The following ANAPC13 variants were observed in gnomAD, a reference collection of about 807,000 sequenced individuals.
ANAPC13 encodes anaphase-promoting complex subunit 13.
In ANAPC13, 9 loss-of-function variants were observed where a neutral mutation model predicts 9.6. The ratio of observed to expected loss-of-function variants is 0.94; its 90% CI spans 0.57 to 1.64. The LOEUF (loss-of-function observed/expected upper bound fraction) is 1.64. Ranked by LOEUF, ANAPC13 falls within the 40% of genes most tolerant of loss-of-function variation. ANAPC13 has a pLI of 0.00. For missense variants in ANAPC13, 75 were observed against 85.3 expected (o/e 0.88, Z 0.48); for synonymous variants, 30 against 29.7 (o/e 1.01, Z -0.03).
rs1214451530 is a variant in ANAPC13 at position 134,479,151 on chromosome 3, C to G, written c.100-436G>C. Among the ~76,000 whole-genome samples, 3 of 152,182 alleles carry G rather than the reference C, an allele frequency of 2.0e-5. No homozygotes were observed. In the East Asian group the frequency reaches 5.8e-4, roughly 29 times the overall value. ...AAGGATTAGGTGAGGTAATTCAGAT[C>G]AAGTGCTGAGCACTCTGTGGGGTAT... On this transcript the variant is annotated intron_variant, in intron 2 of 2. Transcript: ENST00000354910.
intron 1 of ANAPC13, 35 bp downstream of exon 1, chr3:134,485,917 C>G (rs2107717204): frequency 1.1e-6 from 1 of 940,040 alleles, no homozygotes; most frequent in Non-Finnish European, 1.3e-6. Flanking sequence ...TCCCGCGCCT[C>G]CAAAACCTAG....
intron 1 of ANAPC13, among the ~76,000 whole-genome samples, chr3:134,483,755 T>C (rs540869408): frequency 1.3e-5 from 2 of 152,214 alleles, no homozygotes; most frequent in Non-Finnish European, 2.9e-5. Context: ...CAAGTGACAA[T>C]CCAAAAAGCC....
At chr3:134,483,341 G>C (rs1445536500) in intron 1 of ANAPC13, 1 of 165,044 alleles carries the variant, frequency 6.1e-6, no homozygotes, top group Admixed American at 5.9e-5. Context: ...TCAAACCTCA[G>C]CATTCTTAGG....
intron 1 of ANAPC13, chr3:134,485,436 C>T (rs1258911008): frequency 1.3e-5 from 2 of 152,222 alleles, no homozygotes; most frequent in Non-Finnish European, 2.9e-5. Flanking sequence ...CGCCTCCAAA[C>T]CCCAGGCTGA....
At chr3:134,483,106 C>T (rs749625133) in intron 1 of ANAPC13, 175 bp from the exon 2 acceptor site, 2 of 600,010 alleles carry the variant, frequency 3.3e-6, no homozygotes, top group Non-Finnish European at 5.9e-6. Context: ...CCAACTGATA[C>T]ATATTTTATA....
intron 2 of ANAPC13, among the ~76,000 whole-genome samples, chr3:134,481,166 C>T (rs915477576): frequency 1.3e-5 from 2 of 152,230 alleles, no homozygotes; most frequent in Non-Finnish European, 2.9e-5. Flanking sequence ...GTCACACCAT[C>T]TCTAACAATG....
chr3:134,482,832 G>A lies in ANAPC13; in HGVS notation c.73C>T (p.Pro25Ser). ...AGTGGTATTGCGACATCCTCATAAG[G>A]CAGCTTGTCTTCTCGCCAAGCATCA... ...IDDAWREDKLPYEDVAIPLNE... is the reference protein window; with the variant it reads ...IDDAWREDKLSYEDVAIPLNE... The change falls in exon 2 of 3, where the codon CCT becomes TCT. Residue 25 changes from proline (P) to serine (S), a missense_variant. By Grantham distance (74) the Pro-to-Ser change is moderately conservative (BLOSUM62 -1). Transcript: ENST00000354910. The A allele has an allele frequency of 6.2e-7, 1 of 1,614,042 alleles. No individual in the cohort carries two copies. The highest frequency in any genetic ancestry group is 1.1e-5 in the South Asian group (1 of 91,074).
At chr3:134,479,499 G>A (rs562334293) in intron 2 of ANAPC13, among the ~76,000 whole-genome samples, 2 of 152,056 alleles carry the variant, frequency 1.3e-5, no homozygotes, top group Non-Finnish European at 1.5e-5. Flanking sequence ...CACCATGCCC[G>A]GCTAATTTTG....
rs753207225 is a variant in ANAPC13, at chr3:134,482,927, C to G, written c.-23G>C. The G allele has an allele frequency of 6.3e-7, 1 of 1,582,900 alleles. No individual in the cohort carries two copies. Among genetic ancestry groups the G allele is most frequent in the Non-Finnish European group, 8.7e-7 (1 of 1,151,624 alleles). ...CATTTTCCTGCAGCTTTGATCTTGT[C>G]AAATCTGTAAGCCAAAGAGGTTATT... On this transcript the variant is annotated 5_prime_UTR_variant, in exon 2 of 3. Coordinates refer to ENST00000354910, the MANE Select transcript of ANAPC13 (RefSeq NM_015391.4).
intron 2 of ANAPC13, 168 bp downstream of exon 2, chr3:134,482,638 T>G (rs142109092): frequency 0.011 from 6,799 of 647,394 alleles, 78 homozygotes; most frequent in Middle Eastern, 0.044. Context: ...CACATTTTTC[T>G]TCAAATAAAA....
At chr3:134,482,736 A>G (rs1934764039) in intron 2 of ANAPC13, 70 bp downstream of exon 2, 1 of 1,212,070 alleles carries the variant, frequency 8.3e-7, no homozygotes, top group South Asian at 1.2e-5. Context: ...TCTTCCATTG[A>G]TATCCCTCCT....
intron 1 of ANAPC13, 138 bp from the exon 2 acceptor site, chr3:134,483,069 C>T: frequency 7.9e-6 from 5 of 633,178 alleles, no homozygotes; most frequent in Non-Finnish European, 1.4e-5. Context: ...CGGGTGACTA[C>T]TTTGATCACA....
At chr3:134,486,001 C>T (rs891678203), upstream of ANAPC13, 2 of 982,334 alleles carry the variant, frequency 2.0e-6, no homozygotes, top group Non-Finnish European at 2.4e-6. Flanking sequence ...GCCCCCCCCC[C>T]CTCCCCCGCA....
chr3:134,478,713 A>T lies in ANAPC13; in HGVS notation c.102T>A (p.Asn34Lys), dbSNP rs764219659. The change falls in exon 3 of 3, where the codon AAT becomes AAA. Residue 34 changes from asparagine (N) to lysine (K), a missense_variant and splice_region_variant. Physicochemically the swap from Asn to Lys is moderately conservative, Grantham distance 94 (BLOSUM62 0). Transcript: ENST00000354910. ...LPYEDVAIPL[N>K]ELPEPEQDNG... ...TGTCTTGTTCAGGTTCAGGAAGCTC[A>T]TTCTGAAAAGGTACAATAGAAATTC... The T allele has an allele frequency of 2.5e-6, 4 of 1,613,258 alleles. No individual in the cohort carries two copies. Among genetic ancestry groups the T allele is most frequent in the Admixed American group, 1.7e-5 (1 of 59,832 alleles).
At chr3:134,482,153 C>G (rs544638649) in intron 2 of ANAPC13, among the ~76,000 whole-genome samples, 1 of 152,172 alleles carries the variant, frequency 6.6e-6, no homozygotes, top group Non-Finnish European at 1.5e-5. Context: ...AGCTGGCATG[C>G]TTTAAAGAAA....
chr3:134,477,810 T>C lies in ANAPC13; in HGVS notation c.*780A>G, dbSNP rs915849561. On this transcript the variant is annotated 3_prime_UTR_variant, in exon 3 of 3. Coordinates refer to ENST00000354910, the MANE Select transcript of ANAPC13 (RefSeq NM_015391.4). ...GAGTTTACAATCTGGGGAGAGAACA[T>C]GAAAGACACTGTTTAACAGGCAAAT... 2.6e-5 allele frequency: 4 copies of C among 152,194 alleles called. No individual in the cohort carries two copies. The highest frequency in any genetic ancestry group is 5.9e-5 in the Non-Finnish European group (4 of 68,016). The allele number at this position is 152,194 out of a possible 1,614,324, so 9.4% of individuals were successfully genotyped here.
In ANAPC13 at chr3:134,478,603, G is replaced by A; in HGVS notation, c.212C>T (p.Pro71Leu). The A allele has an allele frequency of 6.2e-7, 1 of 1,613,688 alleles. No homozygotes were observed. Among genetic ancestry groups the A allele is most frequent in the Non-Finnish European group, 8.5e-7 (1 of 1,179,918 alleles). The change falls in exon 3 of 3, where the codon CCC becomes CTC. Residue 71 changes from proline (P) to leucine (L), a missense_variant. Pro to Leu is a moderately conservative substitution (Grantham distance 98, BLOSUM62 -3). Coordinates refer to ENST00000354910, the MANE Select transcript of ANAPC13 (RefSeq NM_015391.4). ...ALQYLHENVP[P>L]IGN ...AGGAGCCAAGCGTCAGTTTCCAATG[G>A]GGGGAACATTCTCATGGAGGTACTG... is the stretch of plus-strand genomic sequence containing the variant.
intron 2 of ANAPC13, 115 bp from the exon 3 acceptor site, chr3:134,478,830 T>C (rs1025058408): frequency 5.1e-6 from 6 of 1,187,796 alleles, no homozygotes; most frequent in African/African-American, 1.6e-5. Flanking sequence ...ATAATTGATA[T>C]GTGTATTCTA....
At chr3:134,482,779 C>T (rs748863634) in intron 2 of ANAPC13, 27 bp downstream of exon 2, 49 of 1,588,730 alleles carry the variant, frequency 3.1e-5, no homozygotes, top group Admixed American at 1.0e-4. Context: ...TACCTTTAAC[C>T]CATCCTCAGC....
Sources: gnomAD v4.1 joint callset for allele counts (sites outside exome capture counted in the v4.1 genomes callset) on GRCh38, gnomAD v4.1.1 for gene constraint, MANE v1.5 for transcripts, NCBI Gene and HGNC (gene_info 2026-07-23, HGNC 2026-07-21) for gene names.